Variants in UBL3 observed in about 807,000 individuals in gnomAD.
UBL3 encodes the protein ubiquitin like 3, also known as ubiquitin-like protein 3.
A neutral mutation model predicts 18.4 loss-of-function variants in UBL3; 6 were observed. The ratio of observed to expected loss-of-function variants is 0.33; its 90% CI spans 0.18 to 0.64. UBL3 has a LOEUF of 0.64. Ranked by LOEUF, UBL3 falls within the 30% of genes least tolerant of loss-of-function variation. The probability of loss-of-function intolerance (pLI) is 0.76; values close to 1 mark genes in which losing one functional copy is unlikely to be tolerated. For missense variants in UBL3, 109 were observed against 142.9 expected (o/e 0.76, Z 1.21); for synonymous variants, 49 against 46.6 (o/e 1.05, Z -0.21).
intron 3 of UBL3, among the ~76,000 whole-genome samples, chr13:29,769,670 T>G (rs1169948645): frequency 1.3e-5 from 2 of 152,118 alleles, no homozygotes; most frequent in African/African-American, 4.8e-5. Context: ...GCCAAAGCTT[T>G]AGCTGATCAT....
At chr13:29,806,899 A>C (rs1877912503) in intron 1 of UBL3, among the ~76,000 whole-genome samples, 1 of 152,168 alleles carries the variant, frequency 6.6e-6, no homozygotes. Flanking sequence ...TAAGTTTTAT[A>C]ATAACCTCTA....
chr13:29,775,932 T>C (rs972243323), intron 2 of UBL3, among the ~76,000 whole-genome samples: 1 of 148,558 alleles, frequency 6.7e-6, no homozygotes, highest in South Asian at 2.1e-4. Context: ...TCTTATTATA[T>C]AAAAAAAAAA....
At position 29,777,137 on chromosome 13, in the gene UBL3, G is replaced by A; in HGVS notation, c.136+18C>T. ...AAGAATCAACATTATTCATACTCAA[G>A]AGAAAAATATCACTCACCCATTGGC... On this transcript the variant is annotated intron_variant, in intron 2 of 4. Coordinates refer to ENST00000380680, the MANE Select transcript of UBL3 (RefSeq NM_007106.4). The A allele has an allele frequency of 1.9e-6, 3 of 1,547,754 alleles. No homozygotes were observed. The highest frequency in any genetic ancestry group is 1.8e-6 in the Non-Finnish European group (2 of 1,139,094).
chr13:29,772,231 T>C (rs1207287195), intron 2 of UBL3, 33 bp from the exon 3 acceptor site: 1 of 1,550,984 alleles, frequency 6.4e-7, no homozygotes, highest in Admixed American at 1.8e-5. Flanking sequence ...GTTAGGTATA[T>C]TCCAACATAT....
In UBL3 at chr13:29,849,996, A is replaced by T. The variant is rs1180588998; in HGVS notation, c.-458T>A. 5 of 185,038 alleles carry T rather than the reference A, an allele frequency of 2.7e-5. No homozygotes were observed. Among genetic ancestry groups the T allele is most frequent in the Non-Finnish European group, 5.7e-5 (5 of 87,240 alleles). 11.5% of individuals were successfully genotyped at this position (185,038 alleles called of 1,614,324 possible). A position where few individuals can be genotyped will look rare whatever the true frequency, so the allele number is the denominator to read the frequency against. ...GCCCCAGCGTGGATGTACACAGATA[A>T]CTATGTAGCTACACATCGACGCGTG... On this transcript the variant is annotated 5_prime_UTR_variant, in exon 1 of 5. Transcript: ENST00000380680.
At chr13:29,847,344 T>C (rs939361173) in intron 1 of UBL3, among the ~76,000 whole-genome samples, 2 of 152,238 alleles carry the variant, frequency 1.3e-5, no homozygotes, top group African/African-American at 4.8e-5. Context: ...ATTTATTACA[T>C]AATATTGCTT....
chr13:29,777,571 A>G, intron 1 of UBL3: 1 of 436,258 alleles, frequency 2.3e-6, no homozygotes, highest in Non-Finnish European at 4.5e-6. Context: ...AACTTTTGCA[A>G]GTTATCACTA....
chr13:29,794,732 G>C (rs1189808569), intron 1 of UBL3, among the ~76,000 whole-genome samples: 1 of 152,150 alleles, frequency 6.6e-6, no homozygotes, highest in Non-Finnish European at 1.5e-5. Flanking sequence ...GATGTATCTT[G>C]CTCTAGTTAA....
intron 1 of UBL3, among the ~76,000 whole-genome samples, chr13:29,794,694 C>A (rs1281483429): frequency 6.6e-6 from 1 of 152,202 alleles, no homozygotes; most frequent in East Asian, 1.9e-4. Context: ...ACTAATGGGT[C>A]TTCCTGGGCA....
chr13:29,831,068 G>A (rs1425413146), intron 1 of UBL3, among the ~76,000 whole-genome samples: 6 of 150,148 alleles, frequency 4.0e-5, no homozygotes, highest in South Asian at 2.1e-4. Context: ...CTTTTCTCAC[G>A]TTCATAATTC....
At chr13:29,844,695 C>T (rs1360311181) in intron 1 of UBL3, among the ~76,000 whole-genome samples, 3 of 152,070 alleles carry the variant, frequency 2.0e-5, no homozygotes, top group Admixed American at 6.6e-5. Context: ...CTTCATTTTT[C>T]CCTCCCAGAA....
intron 1 of UBL3, among the ~76,000 whole-genome samples, chr13:29,808,126 T>C (rs908776919): frequency 2.0e-5 from 3 of 152,152 alleles, no homozygotes; most frequent in African/African-American, 7.2e-5. Flanking sequence ...TAAGCAGCTT[T>C]CATTACAATC....
At chr13:29,832,639 G>T (rs1363015797) in intron 1 of UBL3, among the ~76,000 whole-genome samples, 2 of 152,168 alleles carry the variant, frequency 1.3e-5, no homozygotes, top group Non-Finnish European at 2.9e-5. Flanking sequence ...CGGGCCATCA[G>T]AACCAGAAGT....
At chr13:29,822,828 A>C (rs1878498730) in intron 1 of UBL3, among the ~76,000 whole-genome samples, 1 of 152,188 alleles carries the variant, frequency 6.6e-6, no homozygotes, top group African/African-American at 2.4e-5. Flanking sequence ...TGCCTACACA[A>C]AAGGGCACAC....
intron 1 of UBL3, among the ~76,000 whole-genome samples, chr13:29,800,403 A>C (rs1387623404): frequency 6.6e-6 from 1 of 152,216 alleles, no homozygotes; most frequent in South Asian, 2.1e-4. Context: ...TGAACAGTGT[A>C]AGCCTGTTTG....
intron 3 of UBL3, among the ~76,000 whole-genome samples, chr13:29,769,735 G>C (rs541031691): frequency 2.8e-4 from 42 of 152,168 alleles, no homozygotes; most frequent in African/African-American, 9.6e-4. Context: ...TTAATGAAAT[G>C]AAACTCTATA....
At chr13:29,838,016 G>A (rs1220549547) in intron 1 of UBL3, among the ~76,000 whole-genome samples, 1 of 150,432 alleles carries the variant, frequency 6.6e-6, no homozygotes, top group Non-Finnish European at 1.5e-5. Flanking sequence ...TACTCTACAA[G>A]CTTTATGTAG....
chr13:29,786,066 T>A (rs998302743), intron 1 of UBL3, among the ~76,000 whole-genome samples: 2 of 152,130 alleles, frequency 1.3e-5, no homozygotes, highest in African/African-American at 4.8e-5. Flanking sequence ...CTGAAAAAGG[T>A]ATTACTCTCC....
In UBL3 at chr13:29,779,231, T is replaced by C. The variant is rs753604894; in HGVS notation, c.28-1968A>G. ...AACATCTATGCAACACAATATGAAT[T>C]TCAGTCCTCACAGATACATTACTAC... On this transcript the variant is annotated intron_variant, in intron 1 of 4. Transcript: ENST00000380680. 1.6e-5 allele frequency: 8 copies of C among 508,136 alleles called. No homozygotes were observed. In the Admixed American group the frequency reaches 1.6e-4, roughly 10 times the overall value. 31.5% of individuals were successfully genotyped at this position (508,136 alleles called of 1,614,324 possible).
Sources: gnomAD v4.1 joint callset for allele counts (sites outside exome capture counted in the v4.1 genomes callset) on GRCh38, gnomAD v4.1.1 for gene constraint, MANE v1.5 for transcripts, NCBI Gene and HGNC (gene_info 2026-07-23, HGNC 2026-07-21) for gene names.